The following GRB2 variants were observed in gnomAD, a reference collection of about 807,000 sequenced individuals.
GRB2 encodes growth factor receptor-bound protein 2.
GRB2 carries 2 observed loss-of-function variants against 27.4 expected under a neutral mutation model. The ratio of observed to expected loss-of-function variants is 0.07; its 90% CI spans 0.03 to 0.23. The LOEUF is 0.23. GRB2 is among the 10% of genes least tolerant of loss of function. The pLI, the probability that GRB2 is intolerant of heterozygous loss-of-function variation, is 1.00. For synonymous variants in GRB2, 94 were observed against 99.6 expected (o/e 0.94, Z 0.33); for missense variants, 102 against 282.4 (o/e 0.36, Z 4.58).
chr17:75,378,374 C>CT (rs2078907932), intron 2 of GRB2, among the ~76,000 whole-genome samples: 1 of 147,234 alleles, frequency 6.8e-6, no homozygotes, highest in African/African-American at 2.7e-5. Context: ...CAGAGTGAGA[C>CT]TGTCTCAAAA....
At chr17:75,331,029 C>CAAACAAAA (rs1961937499) in intron 3 of GRB2, among the ~76,000 whole-genome samples, 1 of 151,812 alleles carries the variant, frequency 6.6e-6, no homozygotes, top group African/African-American at 2.4e-5. Context: ...AACAAACAAA[C>CAAACAAAA]AAAAAAACAG....
At chr17:75,381,536 G>A (rs1199525741) in intron 2 of GRB2, among the ~76,000 whole-genome samples, 3 of 151,532 alleles carry the variant, frequency 2.0e-5, no homozygotes, top group Non-Finnish European at 4.4e-5. Flanking sequence ...GGCCAACATA[G>A]TGAAACCCTC....
chr17:75,324,516 T>G (rs1308031806), intron 4 of GRB2, among the ~76,000 whole-genome samples: 3 of 62,200 alleles, frequency 4.8e-5, no homozygotes, highest in African/African-American at 8.9e-5. Flanking sequence ...AGTTTTTTTT[T>G]TTTTTTTTTT....
At chr17:75,346,959 C>A (rs1164937277) in intron 2 of GRB2, among the ~76,000 whole-genome samples, 1 of 152,136 alleles carries the variant, frequency 6.6e-6, no homozygotes, top group Admixed American at 6.5e-5. Context: ...TGCAGAAGGT[C>A]AGACGAAGGG....
In GRB2 at chr17:75,390,834, CTT is replaced by C. The variant is rs542882852; in HGVS notation, c.78+2715_78+2716del. On this transcript the variant is annotated intron_variant, in intron 2 of 5. Transcript: ENST00000316804. ...CCTATTTCATTATCTTGAAATGAAA[CTT>C]ATTCAATATCCATATGCACGTCTCC... Among the ~76,000 whole-genome samples, 646 of 152,256 alleles carry C rather than the reference CTT, an allele frequency of 4.2e-3. 4 individuals carry two copies. Among genetic ancestry groups the C allele is most frequent in the African/African-American group, 0.015 (608 of 41,550 alleles).
chr17:75,358,724 A>AAC (rs1376651124), intron 2 of GRB2, among the ~76,000 whole-genome samples: 2 of 146,000 alleles, frequency 1.4e-5, no homozygotes, highest in African/African-American at 5.0e-5. Context: ...AAAAAAAAAA[A>AAC]AACAAAAAAT....
intron 2 of GRB2, among the ~76,000 whole-genome samples, chr17:75,378,653 T>G (rs1432452741): frequency 6.6e-6 from 1 of 152,188 alleles, no homozygotes; most frequent in African/African-American, 2.4e-5. Flanking sequence ...TAGTACAAGC[T>G]TAAACATGGC....
At chr17:75,400,967 T>A (rs1022426708) in intron 1 of GRB2, among the ~76,000 whole-genome samples, 1 of 147,042 alleles carries the variant, frequency 6.8e-6, no homozygotes, top group Admixed American at 6.8e-5. Flanking sequence ...ATATATCAAT[T>A]TTTTTTTTTT....
intron 1 of GRB2, chr17:75,405,097 G>A (rs1047230557): frequency 4.6e-5 from 7 of 152,210 alleles, no homozygotes; most frequent in Non-Finnish European, 8.8e-5. Context: ...GCAGGTCGAA[G>A]GCACATCAAT....
At chr17:75,342,105 A>C (rs536581668) in intron 2 of GRB2, among the ~76,000 whole-genome samples, 2 of 152,290 alleles carry the variant, frequency 1.3e-5, no homozygotes, top group African/African-American at 4.8e-5. Flanking sequence ...TTCAGAGCTT[A>C]CAACCACCCT....
At chr17:75,403,074 T>C (rs1357901588) in intron 1 of GRB2, among the ~76,000 whole-genome samples, 2 of 1,700 alleles carry the variant, frequency 1.2e-3, no homozygotes, top group African/African-American at 1.9e-3. Context: ...AGAATCTGTC[T>C]CAAAAAAAAA....
Position 75,399,436 on chromosome 17 carries a change from TG to T in GRB2, c.-137-5672del, listed in dbSNP as rs2079049811. 3.4e-5 allele frequency among the ~76,000 whole-genome samples: 5 copies of T among 149,246 alleles called. No individual in the cohort carries two copies. The South Asian group carries it at 8.5e-4, about 25-fold the overall frequency. ...AGGCTGGAATGCAGTGGCACGATCT[TG>T]GCTCACCACAACCTCTGTCTCCTGG... On this transcript the variant is annotated intron_variant, in intron 1 of 5. Coordinates refer to ENST00000316804, the MANE Select transcript of GRB2 (RefSeq NM_002086.5).
At chr17:75,337,857 C>A (rs1418970889) in intron 2 of GRB2, among the ~76,000 whole-genome samples, 1 of 112,058 alleles carries the variant, frequency 8.9e-6, no homozygotes, top group Admixed American at 9.2e-5. Context: ...TGAGCCACTG[C>A]GCCCGGCCTA....
intron 2 of GRB2, chr17:75,339,196 T>G (rs1220746082): frequency 1.8e-5 from 9 of 497,858 alleles, no homozygotes; most frequent in African/African-American, 3.3e-5. Flanking sequence ...TGAGTTTATG[T>G]TTTTTTTTTT....
intron 2 of GRB2, among the ~76,000 whole-genome samples, chr17:75,389,665 T>C (rs2078986316): frequency 6.6e-6 from 1 of 152,022 alleles, no homozygotes; most frequent in Non-Finnish European, 1.5e-5. Context: ...GCTAACATGG[T>C]GAAACCCCGT....
At chr17:75,341,442 T>G (rs1356614523) in intron 2 of GRB2, among the ~76,000 whole-genome samples, 1 of 67,276 alleles carries the variant, frequency 1.5e-5, no homozygotes, top group Non-Finnish European at 3.5e-5. Flanking sequence ...ACAGAGTGAC[T>G]CCATTAAAAA....
At chr17:75,348,384 G>A (rs1056615689) in intron 2 of GRB2, among the ~76,000 whole-genome samples, 11 of 152,146 alleles carry the variant, frequency 7.2e-5, no homozygotes, top group African/African-American at 2.4e-4. Context: ...AGGGGGTGAA[G>A]GTATAAAAAC....
At chr17:75,341,200 G>A (rs1043927484) in intron 2 of GRB2, among the ~76,000 whole-genome samples, 1 of 152,114 alleles carries the variant, frequency 6.6e-6, no homozygotes, top group African/African-American at 2.4e-5. Flanking sequence ...GGCATGCTGA[G>A]GTGAGTGGAT....
chr17:75,338,860 T>C (rs2078600007), intron 2 of GRB2: 6 of 779,072 alleles, frequency 7.7e-6, no homozygotes, highest in East Asian at 2.4e-5. Context: ...CTGGACTTTC[T>C]CTAAGAAGTG....
Sources: gnomAD v4.1 joint callset for allele counts (sites outside exome capture counted in the v4.1 genomes callset) on GRCh38, gnomAD v4.1.1 for gene constraint, MANE v1.5 for transcripts, NCBI Gene and HGNC (gene_info 2026-07-23, HGNC 2026-07-21) for gene names.